Variants in RPRD2 observed in about 807,000 individuals in gnomAD.
RPRD2 encodes regulation of nuclear pre-mRNA domain containing 2, also known as regulation of nuclear pre-mRNA domain-containing protein 2.
Under a neutral mutation model 104.4 loss-of-function variants are expected in RPRD2, and 12 were observed. That is an observed-to-expected ratio of 0.11 (90% CI 0.07 to 0.19). The LOEUF (loss-of-function observed/expected upper bound fraction) is 0.19. Ranked by LOEUF, RPRD2 falls within the 10% of genes least tolerant of loss-of-function variation. The pLI is 1.00. For missense variants in RPRD2, 1,543 were observed against 1,790.1 expected (o/e 0.86, Z 2.49); for synonymous variants, 714 against 684.9 (o/e 1.04, Z -0.66).
intron 8 of RPRD2, among the ~76,000 whole-genome samples, chr1:150,459,436 C>A (rs190228072): frequency 1.3e-5 from 2 of 152,174 alleles, no homozygotes; most frequent in African/African-American, 2.4e-5. Context: ...AAACACAGGA[C>A]AATTTATGAA....
At chr1:150,370,007 C>G (rs1170673335) in intron 1 of RPRD2, among the ~76,000 whole-genome samples, 1 of 151,868 alleles carries the variant, frequency 6.6e-6, no homozygotes, top group African/African-American at 2.4e-5. Context: ...GTCTCAAACT[C>G]CTGACTTCAA....
chr1:150,414,917 G>A (rs1187841932), intron 1 of RPRD2, among the ~76,000 whole-genome samples: 1 of 152,124 alleles, frequency 6.6e-6, no homozygotes, highest in Admixed American at 6.6e-5. Context: ...CATTAGGCAA[G>A]GAAGGAAAGG....
chr1:150,386,970 A>G (rs1553881949), intron 1 of RPRD2, among the ~76,000 whole-genome samples: 1 of 152,210 alleles, frequency 6.6e-6, no homozygotes, highest in Non-Finnish European at 1.5e-5. Flanking sequence ...AAGTGTGTGC[A>G]TAAGTTTTGA....
intron 1 of RPRD2, among the ~76,000 whole-genome samples, chr1:150,411,217 T>C (rs1260434222): frequency 9.2e-5 from 14 of 152,202 alleles, no homozygotes; most frequent in Middle Eastern, 3.4e-3. Flanking sequence ...CCCAGCACTT[T>C]GGGAGGTCCA....
intron 7 of RPRD2, among the ~76,000 whole-genome samples, chr1:150,448,342 G>GT (rs1206616140): frequency 6.6e-6 from 1 of 151,788 alleles, no homozygotes; most frequent in African/African-American, 2.4e-5. Flanking sequence ...CTAATTTTTG[G>GT]TTTTTTAGTA....
At chr1:150,370,154 T>C (rs1308931976) in intron 1 of RPRD2, among the ~76,000 whole-genome samples, 1 of 152,010 alleles carries the variant, frequency 6.6e-6, no homozygotes, top group Non-Finnish European at 1.5e-5. Context: ...TCAAGCTATC[T>C]GCCTGCCTTG....
chr1:150,398,636 T>C (rs1453373164), intron 1 of RPRD2, among the ~76,000 whole-genome samples: 1 of 151,806 alleles, frequency 6.6e-6, no homozygotes, highest in Non-Finnish European at 1.5e-5. Context: ...CTCCGCCTCC[T>C]GGGTTTAAGC....
rs1666617547 is a variant in RPRD2 at position 150,444,383 on chromosome 1, G to A, written c.694+6G>A. The A allele has an allele frequency of 6.2e-7, 1 of 1,610,576 alleles. No homozygotes were observed. The highest frequency in any genetic ancestry group is 8.5e-7 in the Non-Finnish European group (1 of 1,178,754). ...AACTCTCAAATGCTTAAAAGGTAATGCTTACATCCTTTTAGAGTAAGTCAG... is the reference window on the plus strand; with the variant it reads ...AACTCTCAAATGCTTAAAAGGTAATACTTACATCCTTTTAGAGTAAGTCAG... On this transcript the variant is annotated splice_donor_region_variant and intron_variant, in intron 6 of 10. Transcript: ENST00000369068.
chr1:150,402,452 A>G (rs782486998), intron 1 of RPRD2, among the ~76,000 whole-genome samples: 37 of 142,816 alleles, frequency 2.6e-4, no homozygotes, highest in Admixed American at 2.1e-3. Context: ...TCAAGATGGG[A>G]GGATCGCTTG....
At chr1:150,466,247 G>A (rs1371374403) in intron 10 of RPRD2, among the ~76,000 whole-genome samples, 2 of 151,536 alleles carry the variant, frequency 1.3e-5, no homozygotes, top group Admixed American at 6.6e-5. Context: ...GCGTGGTGGC[G>A]GGCACCTGTA....
intron 7 of RPRD2, among the ~76,000 whole-genome samples, chr1:150,452,322 G>A (rs1172637452): frequency 6.6e-6 from 1 of 152,130 alleles, no homozygotes; most frequent in Non-Finnish European, 1.5e-5. Flanking sequence ...CCCAGTGTCA[G>A]AGAGAGCACA....
intron 2 of RPRD2, among the ~76,000 whole-genome samples, chr1:150,430,705 G>A (rs917005055): frequency 1.1e-4 from 16 of 152,176 alleles, no homozygotes; most frequent in Non-Finnish European, 1.6e-4. Context: ...TGGGGCAGGC[G>A]GATCACCTGA....
intron 1 of RPRD2, among the ~76,000 whole-genome samples, chr1:150,368,833 C>G (rs144246080): frequency 0.016 from 2,456 of 152,202 alleles, 55 homozygotes; most frequent in African/African-American, 0.055. Flanking sequence ...GTTTTGAACT[C>G]CTGATCTCAG....
At position 150,369,623 on chromosome 1, in the gene RPRD2, A is replaced by AT. The variant is rs61016870; in HGVS notation, c.205+4723dup. Among the ~76,000 whole-genome samples the AT allele has an allele frequency of 7.3e-3, 502 of 68,854 alleles. 18 individuals carry two copies. The highest frequency in any genetic ancestry group is 0.042 in the Middle Eastern group (5 of 120). The allele number at this position is 68,854 out of a possible 152,430, so 45.2% of individuals were successfully genotyped here. A position where few individuals can be genotyped will look rare whatever the true frequency, so the allele number is the denominator to read the frequency against. On this transcript the variant is annotated intron_variant, in intron 1 of 10. Transcript: ENST00000369068. ...AGGCGCCCGTCACCGCGCCCAGCTA[A>AT]TTTTTTTTTTTTTTTTTTTGTATTT...
intron 1 of RPRD2, among the ~76,000 whole-genome samples, chr1:150,373,720 C>A (rs1027413807): frequency 2.6e-5 from 4 of 151,750 alleles, no homozygotes; most frequent in Non-Finnish European, 5.9e-5. Context: ...AAAAAATATA[C>A]TCATTTAAAG....
chr1:150,465,307 G>A (rs964569633), intron 10 of RPRD2, among the ~76,000 whole-genome samples: 4 of 151,908 alleles, frequency 2.6e-5, no homozygotes, highest in South Asian at 4.2e-4. Flanking sequence ...TAGTAGAGAC[G>A]GAGTTTTGCT....
intron 1 of RPRD2, among the ~76,000 whole-genome samples, chr1:150,371,283 A>G (rs1553878283): frequency 6.6e-6 from 1 of 152,234 alleles, no homozygotes; most frequent in Non-Finnish European, 1.5e-5. Context: ...TCATTCATTC[A>G]GTTCTCACAA....
At chr1:150,398,147 G>C (rs1195157479) in intron 1 of RPRD2, among the ~76,000 whole-genome samples, 2 of 112,786 alleles carry the variant, frequency 1.8e-5, no homozygotes, top group Admixed American at 1.3e-4. Flanking sequence ...TGGAATTACA[G>C]GCACCTGCCA....
chr1:150,476,419 C>T lies in RPRD2; in HGVS notation c.*3085C>T, dbSNP rs1177044336. ...TATTTTTTTTAAGTGGGCGGGGGCG[C>T]CTGTTAAGATCTAAAATAGATATGT... On this transcript the variant is annotated 3_prime_UTR_variant, in exon 11 of 11. Coordinates refer to ENST00000369068, the MANE Select transcript of RPRD2 (RefSeq NM_015203.5). The T allele has an allele frequency of 6.6e-6, 1 of 152,072 alleles. No individual in the cohort carries two copies. The highest frequency in any genetic ancestry group is 1.9e-4 in the East Asian group (1 of 5,200). 9.4% of individuals were successfully genotyped at this position (152,072 alleles called of 1,614,324 possible).
Sources: allele counts gnomAD v4.1 joint callset (sites outside exome capture counted in the v4.1 genomes callset), GRCh38; gene constraint gnomAD v4.1.1; transcripts MANE v1.5; gene names NCBI Gene and HGNC (gene_info 2026-07-23, HGNC 2026-07-21).